NLRP5: variants seen among roughly 807,000 people sequenced by gnomAD.
The protein encoded by NLRP5 is NACHT, LRR and PYD domains-containing protein 5.
NLRP5 carries 93 observed loss-of-function variants against 113.1 expected under a neutral mutation model. That is an observed-to-expected ratio of 0.82 (90% CI 0.70 to 0.98). The LOEUF (loss-of-function observed/expected upper bound fraction) is 0.98. NLRP5 is among the 50% of genes least tolerant of loss of function. NLRP5 has a pLI of 0.00. For synonymous variants in NLRP5, 751 were observed against 600.7 expected, an observed-to-expected ratio of 1.25 and a Z score of -3.66; for missense variants, 1,808 against 1,514.3, an observed-to-expected ratio of 1.19 and a Z score of -3.22.
At chr19:56,043,137 G>A (rs1300083722) in intron 11 of NLRP5, among the ~76,000 whole-genome samples, 1 of 152,112 alleles carries the variant, frequency 6.6e-6, no homozygotes, top group African/African-American at 2.4e-5. Context: ...TGGGATTGCT[G>A]GGTCAAATGG....
chr19:56,020,965 C>G (rs575192830), intron 6 of NLRP5, among the ~76,000 whole-genome samples: 1 of 151,758 alleles, frequency 6.6e-6, no homozygotes, highest in South Asian at 2.1e-4. Context: ...CCTCTGCCTC[C>G]CAGGTTCAAG....
the NLRP5 span, among the ~76,000 whole-genome samples, chr19:55,986,858 G>A: frequency 2.6e-5 from 4 of 152,070 alleles, no homozygotes; most frequent in African/African-American, 7.2e-5. Flanking sequence ...TGCCCTTCCC[G>A]CTTTTGTTCT....
intron 6 of NLRP5, among the ~76,000 whole-genome samples, chr19:56,024,452 T>TAC (rs2083318875): frequency 6.8e-6 from 1 of 146,586 alleles, no homozygotes; most frequent in Non-Finnish European, 1.5e-5. Flanking sequence ...TATTTATATA[T>TAC]ACGTACATAC....
intron 10 of NLRP5, among the ~76,000 whole-genome samples, chr19:56,040,590 A>G (rs1240831957): frequency 3.3e-5 from 5 of 152,160 alleles, no homozygotes; most frequent in African/African-American, 1.2e-4. Context: ...TAAATAAGAA[A>G]ATAAATAAAT....
chr19:56,037,458 GC>G (rs1220421952), intron 9 of NLRP5, among the ~76,000 whole-genome samples: 1 of 152,098 alleles, frequency 6.6e-6, no homozygotes, highest in Non-Finnish European at 1.5e-5. Flanking sequence ...GCTTTGGGAG[GC>G]CAAGGCGGGT....
rs1982886776 is a variant in NLRP5, at chr19:56,027,087, A to G, written c.854A>G (p.His285Arg). 1.9e-6 allele frequency: 3 copies of G among 1,566,042 alleles called. No individual in the cohort carries two copies. Among genetic ancestry groups the G allele is most frequent in the Non-Finnish European group, 1.7e-6 (2 of 1,155,484 alleles). ...TTCCGGCCTCGCACGGTGGTTCTGC[A>G]CGGAAAGTCAGGAATTGGGAAATCG... The change falls in exon 7 of 15, where the codon CAC (histidine) becomes CGC (arginine). Residue 285 changes from histidine to arginine, a missense_variant. Transcript: ENST00000390649.
chr19:56,042,934 C>G (rs937050534), intron 11 of NLRP5, among the ~76,000 whole-genome samples: 1 of 151,866 alleles, frequency 6.6e-6, no homozygotes, highest in Non-Finnish European at 1.5e-5. Flanking sequence ...TAATTCATTC[C>G]TTTTTATGGC....
intron 3 of NLRP5, among the ~76,000 whole-genome samples, chr19:56,014,304 C>G (rs529617831): frequency 1.0e-3 from 156 of 152,086 alleles, no homozygotes; most frequent in African/African-American, 3.6e-3. Context: ...CATGGTGAAA[C>G]CCTGTCTCTA....
intron 13 of NLRP5, among the ~76,000 whole-genome samples, chr19:56,057,008 C>T (rs866648067): frequency 4.6e-5 from 7 of 151,988 alleles, no homozygotes; most frequent in Non-Finnish European, 8.8e-5. Context: ...TGGTGGCAGG[C>T]GCTTGTAATC....
At chr19:56,015,655 C>T (rs1982375337) in intron 3 of NLRP5, 87 bp from the exon 4 acceptor site, 9 of 1,107,044 alleles carry the variant, frequency 8.1e-6, no homozygotes, top group Non-Finnish European at 1.1e-5. Flanking sequence ...TATGGCATGA[C>T]TAAGTTTATC....
At chr19:55,988,637 C>T in the NLRP5 span, 1 of 152,048 alleles carries the variant, frequency 6.6e-6, no homozygotes, top group Non-Finnish European at 1.5e-5. Flanking sequence ...AGACCATACT[C>T]GTTTCCTTAC....
upstream of NLRP5, among the ~76,000 whole-genome samples, chr19:55,996,086 A>AGGC (rs1317080091): frequency 2.0e-5 from 3 of 152,310 alleles, no homozygotes; most frequent in African/African-American, 7.2e-5. Context: ...TATTGCCTGC[A>AGGC]AACATGAACA....
intron 12 of NLRP5, among the ~76,000 whole-genome samples, 190 bp downstream of exon 12, chr19:56,050,778 A>T (rs1459851237): frequency 1.3e-5 from 2 of 152,154 alleles, no homozygotes; most frequent in Admixed American, 1.3e-4. Context: ...GGGCCGATGG[A>T]GCCTCATGGG....
At chr19:55,992,414 A>G in the NLRP5 span, among the ~76,000 whole-genome samples, 1 of 152,134 alleles carries the variant, frequency 6.6e-6, no homozygotes, top group Non-Finnish European at 1.5e-5. Context: ...GTCCAACGCT[A>G]CTGCTTTTAG....
intron 8 of NLRP5, among the ~76,000 whole-genome samples, 199 bp from the exon 9 acceptor site, chr19:56,033,343 A>T (rs1983195273): frequency 6.6e-6 from 1 of 152,198 alleles, no homozygotes. Flanking sequence ...TAAGCTCCCC[A>T]AGGCAGGGAT....
chr19:55,998,618 A>T (rs576551194), upstream of NLRP5, among the ~76,000 whole-genome samples: 1 of 144,462 alleles, frequency 6.9e-6, no homozygotes, highest in Non-Finnish European at 1.5e-5. Flanking sequence ...GTGCCACTGT[A>T]CTCCAGCCCG....
Position 56,003,772 on chromosome 19 carries a change from T to C in NLRP5, c.119T>C (p.Phe40Ser), listed in dbSNP as rs1037699644. 12 of 1,613,546 alleles carry C rather than the reference T, an allele frequency of 7.4e-6. No homozygotes were observed. The highest frequency in any genetic ancestry group is 6.7e-5 in the African/African-American group (5 of 74,856). The change falls in exon 2 of 15, where the codon TTC becomes TCC. Residue 40 changes from phenylalanine (F) to serine (S), a missense_variant. Physicochemically the swap from Phe to Ser is radical, Grantham distance 155. Transcript: ENST00000390649. The stretch of plus-strand genomic sequence containing the variant: ...TCTATATTACCAAAGAATCCACTTT[T>C]CCCCCAAAACCTGAGCTCTCAGCCT...
At chr19:56,034,833 GGT>G (rs1983254418) in intron 9 of NLRP5, among the ~76,000 whole-genome samples, 1 of 152,194 alleles carries the variant, frequency 6.6e-6, no homozygotes, top group Non-Finnish European at 1.5e-5. Context: ...TTGGTTGGTT[GGT>G]TGGTCGGTCC....
chr19:56,004,015 T>C lies in NLRP5; in HGVS notation c.362T>C (p.Leu121Pro). The change falls in exon 2 of 15, where the codon CTG (leucine) becomes CCG (proline). Residue 121 changes from leucine to proline, a missense_variant. By Grantham distance (98) the Leu-to-Pro change is moderately conservative (BLOSUM62 -3). Coordinates refer to ENST00000390649, the MANE Select transcript of NLRP5 (RefSeq NM_153447.4). Reference sequence around the variant, plus strand: ...TTGCATGAGTATTATGGAGCATCGCTGGCCTGGGCTACGTCCATTAGCATC... The same window carrying C: ...TTGCATGAGTATTATGGAGCATCGCCGGCCTGGGCTACGTCCATTAGCATC... 2.5e-6 allele frequency: 4 copies of C among 1,614,008 alleles called. No homozygotes were observed. Among genetic ancestry groups the C allele is most frequent in the Non-Finnish European group, 3.4e-6 (4 of 1,179,892 alleles).
Sources: gnomAD v4.1 joint callset for allele counts (sites outside exome capture counted in the v4.1 genomes callset) on GRCh38, gnomAD v4.1.1 for gene constraint, MANE v1.5 for transcripts, NCBI Gene and HGNC (gene_info 2026-07-23, HGNC 2026-07-21) for gene names.